Variants in TMEM178B observed in about 807,000 individuals in gnomAD.
TMEM178B encodes transmembrane protein 178B.
TMEM178B carries 5 observed loss-of-function variants against 31.0 expected under a neutral mutation model. The ratio of observed to expected loss-of-function variants is 0.16; its 90% CI spans 0.08 to 0.34. The LOEUF (loss-of-function observed/expected upper bound fraction) is 0.34. Ranked by LOEUF, TMEM178B falls within the 10% of genes least tolerant of loss-of-function variation. The probability of loss-of-function intolerance (pLI) is 1.00; values close to 1 mark genes in which losing one functional copy is unlikely to be tolerated. For missense variants in TMEM178B, 275 were observed against 400.3 expected (o/e 0.69, Z 2.67); for synonymous variants, 164 against 164.0 (o/e 1.00, Z 0.00).
At chr7:141,279,659 G>A (rs1331206284) in intron 2 of TMEM178B, among the ~76,000 whole-genome samples, 1 of 152,242 alleles carries the variant, frequency 6.6e-6, no homozygotes, top group African/African-American at 2.4e-5. Flanking sequence ...TGGCTGGGAA[G>A]GAGAGGCTGC....
At chr7:141,437,836 G>A in intron 3 of TMEM178B, 91 bp downstream of exon 3, 1 of 1,486,056 alleles carries the variant, frequency 6.7e-7, no homozygotes, top group Non-Finnish European at 9.0e-7. Context: ...CAGCAGAGGG[G>A]ACCATGACGT....
At chr7:141,389,525 T>A (rs998077112) in intron 2 of TMEM178B, among the ~76,000 whole-genome samples, 2 of 152,222 alleles carry the variant, frequency 1.3e-5, no homozygotes. Flanking sequence ...CACTTACAGC[T>A]GGGAAGATTG....
intron 2 of TMEM178B, among the ~76,000 whole-genome samples, chr7:141,396,532 AGC>A (rs1479040773): frequency 2.3e-5 from 2 of 85,688 alleles, no homozygotes; most frequent in Non-Finnish European, 5.6e-5. Flanking sequence ...TGGAAAACAG[AGC>A]CTCAGAAAGA....
intron 2 of TMEM178B, among the ~76,000 whole-genome samples, chr7:141,372,309 T>C (rs933006215): frequency 2.6e-5 from 4 of 152,098 alleles, no homozygotes; most frequent in Admixed American, 2.6e-4. Context: ...CACCATCCTC[T>C]CCTCGCTGTC....
intron 2 of TMEM178B, among the ~76,000 whole-genome samples, chr7:141,310,474 AG>A (rs1164900461): frequency 6.6e-6 from 1 of 152,180 alleles, no homozygotes; most frequent in African/African-American, 2.4e-5. Context: ...TTTGTTACAT[AG>A]GTATACATGT....
intron 2 of TMEM178B, among the ~76,000 whole-genome samples, chr7:141,342,516 C>T (rs6956673): frequency 0.19 from 28,284 of 152,184 alleles, 2,722 homozygotes; most frequent in African/African-American, 0.2. Flanking sequence ...GATCCAGCTC[C>T]TCCTTCCAGC....
intron 2 of TMEM178B, among the ~76,000 whole-genome samples, chr7:141,398,230 T>C (rs971385802): frequency 6.6e-6 from 1 of 152,252 alleles, no homozygotes; most frequent in Non-Finnish European, 1.5e-5. Context: ...TAGAACTTCA[T>C]GGCAACTCCT....
intron 1 of TMEM178B, among the ~76,000 whole-genome samples, chr7:141,136,113 C>T (rs1189352073): frequency 6.6e-6 from 1 of 152,138 alleles, no homozygotes; most frequent in Non-Finnish European, 1.5e-5. Context: ...CTTCATAGTA[C>T]CTGTCTTCAA....
At chr7:141,268,332 C>T (rs1021316818) in intron 2 of TMEM178B, among the ~76,000 whole-genome samples, 1 of 152,126 alleles carries the variant, frequency 6.6e-6, no homozygotes, top group African/African-American at 2.4e-5. Context: ...TTATGAAAAG[C>T]TTATGGGAAA....
the TMEM178B span, among the ~76,000 whole-genome samples, chr7:141,499,937 G>C: frequency 5.8e-4 from 88 of 152,210 alleles, no homozygotes; most frequent in Middle Eastern, 6.8e-3. Context: ...ATCCAGTGCA[G>C]TGTTTATTTT....
intron 2 of TMEM178B, among the ~76,000 whole-genome samples, chr7:141,324,416 GTTTTTTTTTTTTTT>G (rs56316531): frequency 1.2e-3 from 106 of 85,760 alleles, no homozygotes; most frequent in African/African-American, 3.0e-3. Flanking sequence ...GGAGACCAGG[GTTTTTTTTTTTTTT>G]TTTTTTTTTT....
chr7:141,297,294 A>G (rs1461671816), intron 2 of TMEM178B, among the ~76,000 whole-genome samples: 1 of 152,210 alleles, frequency 6.6e-6, no homozygotes, highest in East Asian at 1.9e-4. Flanking sequence ...CAGGAGCCCA[A>G]GCAGTGTTGT....
At chr7:141,126,168 A>G (rs1053396749) in intron 1 of TMEM178B, among the ~76,000 whole-genome samples, 8 of 152,180 alleles carry the variant, frequency 5.3e-5, no homozygotes, top group African/African-American at 1.7e-4. Context: ...GGAAGAAGAC[A>G]TTATGGAGGA....
intron 3 of TMEM178B, among the ~76,000 whole-genome samples, chr7:141,440,466 CT>C (rs1222991308): frequency 6.6e-6 from 1 of 151,694 alleles, no homozygotes; most frequent in Non-Finnish European, 1.5e-5. Flanking sequence ...CTTTCTAGCG[CT>C]AATATTTTAT....
chr7:141,372,357 T>C (rs1402089299), intron 2 of TMEM178B, among the ~76,000 whole-genome samples: 8 of 152,176 alleles, frequency 5.3e-5, no homozygotes, highest in African/African-American at 1.4e-4. Context: ...CTGTTCATCA[T>C]GCAGGCCAGG....
intron 2 of TMEM178B, among the ~76,000 whole-genome samples, chr7:141,413,230 C>A (rs182733851): frequency 2.0e-5 from 3 of 152,310 alleles, no homozygotes; most frequent in Non-Finnish European, 2.9e-5. Context: ...TCTGCGTTTC[C>A]TTTTTCTATT....
intron 1 of TMEM178B, among the ~76,000 whole-genome samples, chr7:141,192,626 G>A (rs576837108): frequency 3.3e-5 from 5 of 151,958 alleles, no homozygotes; most frequent in East Asian, 2.0e-4. Context: ...CACCACACCC[G>A]ACTAATTTTT....
intron 3 of TMEM178B, among the ~76,000 whole-genome samples, chr7:141,460,053 A>C (rs1408455728): frequency 6.6e-6 from 1 of 152,206 alleles, no homozygotes; most frequent in Admixed American, 6.5e-5. Flanking sequence ...GGCCACACAG[A>C]TATTCTTATT....
downstream of TMEM178B, among the ~76,000 whole-genome samples, chr7:141,484,783 G>A (rs60326168): frequency 0.27 from 41,158 of 151,752 alleles, 7,685 homozygotes; most frequent in African/African-American, 0.53. The surrounding 1 kb of genome is among the most constrained non-coding windows in gnomAD (Gnocchi z 4.8). Flanking sequence ...GCTGGTCTCA[G>A]ACTCCTGACC....
Sources: gnomAD v4.1 joint callset for allele counts (sites outside exome capture counted in the v4.1 genomes callset) on GRCh38, gnomAD v4.1.1 for gene constraint, Gnocchi (gnomAD v3.1) non-coding constraint, MANE v1.5 for transcripts, NCBI Gene and HGNC (gene_info 2026-07-23, HGNC 2026-07-21) for gene names.